The following VIP variants were observed in gnomAD, a reference collection of about 807,000 sequenced individuals.
VIP encodes VIP peptides.
VIP carries 18 observed loss-of-function variants against 20.1 expected under a neutral mutation model. The observed-to-expected ratio is 0.90, with a 90% confidence interval of 0.62 to 1.33. The LOEUF (loss-of-function observed/expected upper bound fraction) is 1.33, where lower values mean the gene tolerates loss of function less well. Ranked by LOEUF, VIP falls within the 40% of genes most tolerant of loss-of-function variation. VIP has a pLI of 0.00. For missense variants in VIP, 209 were observed against 199.4 expected (o/e 1.05, Z -0.29); for synonymous variants, 70 against 68.1 (o/e 1.03, Z -0.14).
intron 5 of VIP, among the ~76,000 whole-genome samples, chr6:152,756,783 A>G (rs1011336035): frequency 2.6e-5 from 4 of 152,038 alleles, no homozygotes; most frequent in Admixed American, 2.6e-4. Flanking sequence ...ACAATACATA[A>G]ACAGTGTAGT....
intron 5 of VIP, among the ~76,000 whole-genome samples, chr6:152,756,497 T>C (rs1437231259): frequency 6.6e-6 from 1 of 151,904 alleles, no homozygotes; most frequent in Non-Finnish European, 1.5e-5. Context: ...GCCCTAGACA[T>C]ACATTTCTTT....
intron 4 of VIP, 98 bp downstream of exon 4, chr6:152,755,471 G>T: frequency 2.7e-6 from 2 of 738,728 alleles, no homozygotes; most frequent in African/African-American, 3.7e-5. Flanking sequence ...GTTTGAAATT[G>T]AAAACTCGTT....
In VIP at chr6:152,754,249, C is replaced by A. The variant is rs1198927048; in HGVS notation, c.191C>A (p.Ala64Glu). ...GAAGACATTGACATGTTGCAAAATG[C>A]ATTAGCTGAAAATGACACACCCTAT... ...LKEDIDMLQN[A>E]LAENDTPYYD... The change falls in exon 3 of 7, where the codon GCA (alanine) becomes GAA (glutamate). Residue 64 changes from alanine (A) to glutamate (E), a missense_variant. By Grantham distance (107) the Ala-to-Glu change is moderately radical. Transcript: ENST00000367244. 6.2e-7 allele frequency: 1 copy of A among 1,611,364 alleles called. No individual in the cohort carries two copies.
intron 3 of VIP, among the ~76,000 whole-genome samples, chr6:152,754,894 C>G (rs568692238): frequency 6.6e-6 from 1 of 151,914 alleles, no homozygotes; most frequent in South Asian, 2.1e-4. Flanking sequence ...TTGTGAATGT[C>G]TTTATTCAGT....
chr6:152,757,490 C>T (rs1235013012), intron 6 of VIP, among the ~76,000 whole-genome samples: 1 of 152,012 alleles, frequency 6.6e-6, no homozygotes, highest in East Asian at 1.9e-4. Flanking sequence ...ACAGAGGAGG[C>T]TGACTCACAC....
chr6:152,754,107 C>T, intron 2 of VIP, 59 bp from the exon 3 acceptor site: 1 of 1,561,772 alleles, frequency 6.4e-7, no homozygotes. Context: ...GGTTGCGGAA[C>T]CATACACACT....
intron 1 of VIP, among the ~76,000 whole-genome samples, chr6:152,751,510 T>C (rs190773627): frequency 1.1e-4 from 16 of 152,256 alleles, no homozygotes; most frequent in Admixed American, 1.0e-3. Flanking sequence ...ATATATATTT[T>C]CCTCTTATGG....
At chr6:152,757,380 C>CT (rs1414087440) in intron 6 of VIP, among the ~76,000 whole-genome samples, 196 bp downstream of exon 6, 1 of 151,754 alleles carries the variant, frequency 6.6e-6, no homozygotes, top group African/African-American at 2.4e-5. Flanking sequence ...TTTTTTTGAT[C>CT]TTGTAAAAGA....
In VIP at chr6:152,755,384, T is replaced by C. The variant is rs750505638; in HGVS notation, c.335+11T>C. ...GGGAAAACGTGTTAGGTAAAGAGAA[T>C]TTATTATTTTTATAAAATATGTTAT... On this transcript the variant is annotated intron_variant, in intron 4 of 6. Transcript: ENST00000367244. 31 of 1,400,050 alleles carry C rather than the reference T, an allele frequency of 2.2e-5. No individual in the cohort carries two copies. Among genetic ancestry groups the C allele is most frequent in the Middle Eastern group, 1.8e-4 (1 of 5,476 alleles). The allele number at this position is 1,400,050 out of a possible 1,614,324, so 86.7% of individuals were successfully genotyped here. A position where few individuals can be genotyped will look rare whatever the true frequency, so the allele number is the denominator to read the frequency against.
chr6:152,751,058 G>A (rs996707298), intron 1 of VIP, 99 bp downstream of exon 1: 2 of 152,108 alleles, frequency 1.3e-5, no homozygotes, highest in African/African-American at 2.4e-5. Flanking sequence ...GAATTTGATA[G>A]TGCTTTGCTT....
intron 2 of VIP, 57 bp downstream of exon 2, chr6:152,752,341 T>G: frequency 7.0e-7 from 1 of 1,423,752 alleles, no homozygotes; most frequent in Non-Finnish European, 9.8e-7. Flanking sequence ...AAATGGGAAT[T>G]TCCTATACAT....
At chr6:152,751,054 G>A (rs2099729542) in intron 1 of VIP, 95 bp downstream of exon 1, 1 of 152,136 alleles carries the variant, frequency 6.6e-6, no homozygotes, top group South Asian at 2.1e-4. Flanking sequence ...AAAAGAATTT[G>A]ATAGTGCTTT....
intron 6 of VIP, 40 bp downstream of exon 6, chr6:152,757,224 G>C (rs2099730556): frequency 1.8e-5 from 25 of 1,353,920 alleles, no homozygotes; most frequent in Non-Finnish European, 2.5e-5. Flanking sequence ...TCTTATGGCT[G>C]TCTCTGATTA....
At chr6:152,754,310 T>C in intron 3 of VIP, 22 bp downstream of exon 3, 1 of 1,581,472 alleles carries the variant, frequency 6.3e-7, no homozygotes, top group Non-Finnish European at 8.6e-7. Context: ...TTTATAAAAC[T>C]ATCCAATGAG....
At chr6:152,751,089 T>C (rs1434586464) in intron 1 of VIP, 130 bp downstream of exon 1, 1 of 152,174 alleles carries the variant, frequency 6.6e-6, no homozygotes, top group South Asian at 2.1e-4. Context: ...AAAAAACAAG[T>C]TTCTCAAGTC....
intron 5 of VIP, among the ~76,000 whole-genome samples, chr6:152,756,513 G>T (rs951016456): frequency 1.3e-5 from 2 of 151,816 alleles, no homozygotes; most frequent in African/African-American, 4.8e-5. Context: ...TCTTTTAAGA[G>T]TTCCCCAGTT....
At chr6:152,757,768 C>T (rs943866512) in intron 6 of VIP, among the ~76,000 whole-genome samples, 1 of 151,968 alleles carries the variant, frequency 6.6e-6, no homozygotes, top group Admixed American at 6.6e-5. Context: ...ATAGCATTCT[C>T]TGCCAACATT....
rs779847629 is a variant in VIP at position 152,752,165 on chromosome 6, T to C, written c.-10-3T>C. 4 of 1,609,824 alleles carry C rather than the reference T, an allele frequency of 2.5e-6. No individual in the cohort carries two copies. In the East Asian group the frequency reaches 8.9e-5, roughly 36 times the overall value. The stretch of plus-strand genomic sequence containing the variant: ...AAGAACTGAGGTGATTCTCTCTCTT[T>C]AGAGGCACAGAAATGGACACCAGAA... On this transcript the variant is annotated splice_region_variant and splice_polypyrimidine_tract_variant and intron_variant, in intron 1 of 6. Transcript: ENST00000367244.
chr6:152,754,138 A>G, intron 2 of VIP, 28 bp from the exon 3 acceptor site: 1 of 1,602,598 alleles, frequency 6.2e-7, no homozygotes, highest in Non-Finnish European at 8.5e-7. Flanking sequence ...AAAAGAATGT[A>G]TTATTCTCGT....
Sources: gnomAD v4.1 joint callset for allele counts (sites outside exome capture counted in the v4.1 genomes callset) on GRCh38, gnomAD v4.1.1 for gene constraint, MANE v1.5 for transcripts, NCBI Gene and HGNC (gene_info 2026-07-23, HGNC 2026-07-21) for gene names.